Variants in CR2 observed in about 807,000 individuals in gnomAD.
The protein encoded by CR2 is complement receptor type 2.
A neutral mutation model predicts 123.0 loss-of-function variants in CR2; 96 were observed. The ratio of observed to expected loss-of-function variants is 0.78; its 90% CI spans 0.66 to 0.93. The LOEUF (loss-of-function observed/expected upper bound fraction) is 0.93. CR2 is among the 40% of genes least tolerant of loss of function. CR2 has a pLI of 0.00. For missense variants in CR2, 1,258 were observed against 1,361.0 expected, an observed-to-expected ratio of 0.92 and a Z score of 1.19; for synonymous variants, 484 against 469.5, an observed-to-expected ratio of 1.03 and a Z score of -0.40.
chr1:207,480,689 AG>A (rs1372034954), intron 18 of CR2, among the ~76,000 whole-genome samples: 1 of 152,152 alleles, frequency 6.6e-6, no homozygotes, highest in Admixed American at 6.6e-5. Flanking sequence ...ATGACTTGCC[AG>A]GAAGTTTGTT....
rs1273917757 is a variant in CR2 at position 207,465,034 on chromosome 1, G to A, written c.59-1492G>A. 3.3e-5 allele frequency among the ~76,000 whole-genome samples: 5 copies of A among 152,116 alleles called. No individual in the cohort carries two copies. The East Asian group carries it at 5.8e-4, about 18-fold the overall frequency. On this transcript the variant is annotated intron_variant, in intron 1 of 19. Coordinates refer to ENST00000367057, the MANE Select transcript of CR2 (RefSeq NM_001006658.3). The stretch of plus-strand genomic sequence containing the variant: ...CAACCTCCACCTCCTGGGTTCAAGC[G>A]ATTCTCCTGTCTCAGCCTCCCGAGT...
chr1:207,463,560 C>T (rs1658015896), intron 1 of CR2, among the ~76,000 whole-genome samples: 7 of 152,112 alleles, frequency 4.6e-5, no homozygotes, highest in South Asian at 2.1e-4. Flanking sequence ...AAATGATATT[C>T]TATTCTCTGC....
At chr1:207,469,329 AACTCCT>A in intron 5 of CR2, 97 bp downstream of exon 5, 1 of 952,970 alleles carries the variant, frequency 1.0e-6, no homozygotes, top group Non-Finnish European at 1.7e-6. Flanking sequence ...CTGAACACAG[AACTCCT>A]AGAGATCTTT....
intron 1 of CR2, among the ~76,000 whole-genome samples, chr1:207,459,643 G>A (rs1274623875): frequency 2.0e-5 from 3 of 152,104 alleles, no homozygotes; most frequent in Non-Finnish European, 4.4e-5. Flanking sequence ...TTTAAACATG[G>A]TTGGAAGGAT....
rs1196674669 is a variant in CR2, at chr1:207,476,391, C to T, written c.2874C>T (p.Thr958=). ...TCCTTCTTTGCACACATGAGGGAAC[C>T]TGGAGCCAACCTGCCCCTCATTGTA... ...EALLLCTHEG[T]WSQPAPHCKE... The change falls in exon 15 of 20, where the codon ACC becomes ACT. Residue 958 remains threonine (T), a synonymous_variant. Transcript: ENST00000367057. 6.2e-7 allele frequency: 1 copy of T among 1,613,750 alleles called. No individual in the cohort carries two copies.
In CR2 at chr1:207,479,974, C is replaced by T. The variant is rs1176394932; in HGVS notation, c.3113-4C>T. 1 of 1,610,662 alleles carries T rather than the reference C, an allele frequency of 6.2e-7. No homozygotes were observed. Among genetic ancestry groups the T allele is most frequent in the Admixed American group, 1.7e-5 (1 of 59,982 alleles). Reference sequence around the variant, plus strand: ...ATTTGATACTTGCTGGATTTTTCTTCTAGGTATTGCTGCAGGTTTGATACT... The same window carrying T: ...ATTTGATACTTGCTGGATTTTTCTTTTAGGTATTGCTGCAGGTTTGATACT... On this transcript the variant is annotated splice_polypyrimidine_tract_variant and splice_region_variant and intron_variant, in intron 17 of 19. Coordinates refer to ENST00000367057, the MANE Select transcript of CR2 (RefSeq NM_001006658.3).
In CR2 at chr1:207,466,866, A is replaced by G; in HGVS notation, c.399A>G (p.Gln133=). ...SMNGNKSVWC[Q]ANNMWGPTRL... ...ACGGAAACAAGTCTGTTTGGTGTCA[A>G]GCAAATAATATGTGGGGGCCGACAC... The change falls in exon 2 of 20, where the codon CAA becomes CAG. Residue 133 remains glutamine, a synonymous_variant. Transcript: ENST00000367057. 6.2e-7 allele frequency: 1 copy of G among 1,608,758 alleles called. No homozygotes were observed. The highest frequency in any genetic ancestry group is 1.1e-5 in the South Asian group (1 of 90,328).
At chr1:207,463,143 A>G (rs1191991254) in intron 1 of CR2, among the ~76,000 whole-genome samples, 1 of 152,200 alleles carries the variant, frequency 6.6e-6, no homozygotes, top group Non-Finnish European at 1.5e-5. Context: ...TAGATAAATC[A>G]TGTGTGAGTC....
intron 19 of CR2, 125 bp downstream of exon 19, chr1:207,485,697 C>T: frequency 3.0e-6 from 2 of 663,612 alleles, no homozygotes; most frequent in South Asian, 3.4e-5. Flanking sequence ...CTTCAGTAAT[C>T]ATGCATAGCA....
chr1:207,475,062 T>C lies in CR2; in HGVS notation c.2562T>C (p.His854=). Residue 854 remains histidine (H), a synonymous_variant, in exon 14 of 20, where the codon CAT becomes CAC. Transcript: ENST00000367057. ...GCTGCCCTAATCCAGAAGTCAAACA[T>C]GGGTACAAGCTCAATAAAACACATT... ...VTRCPNPEVK[H]GYKLNKTHSA... The C allele has an allele frequency of 6.2e-7, 1 of 1,613,636 alleles. No homozygotes were observed. Among genetic ancestry groups the C allele is most frequent in the Non-Finnish European group, 8.5e-7 (1 of 1,179,634 alleles).
chr1:207,482,837 T>C (rs1261344558), intron 18 of CR2, among the ~76,000 whole-genome samples: 1 of 152,088 alleles, frequency 6.6e-6, no homozygotes, highest in African/African-American at 2.4e-5. Context: ...GCCCAGAGGC[T>C]TGGCTTTCCA....
In CR2 at chr1:207,466,905, T is replaced by C. The variant is rs1303595004; in HGVS notation, c.438T>C (p.Cys146=). The C allele has an allele frequency of 1.4e-5, 22 of 1,587,132 alleles. No individual in the cohort carries two copies. The highest frequency in any genetic ancestry group is 1.1e-5 in the Non-Finnish European group (13 of 1,168,794). ...NMWGPTRLPT[C]VSVFPLECPA... is the part of the protein sequence containing the mutation. ...GGGGGCCGACACGACTACCAACCTGTGTAAGTGGTGAGTATGAAAAGAAAG... is the reference window on the plus strand; with the variant it reads ...GGGGGCCGACACGACTACCAACCTGCGTAAGTGGTGAGTATGAAAAGAAAG... The change falls in exon 2 of 20, where the codon TGT becomes TGC. Residue 146 remains cysteine (C), a synonymous_variant. Coordinates refer to ENST00000367057, the MANE Select transcript of CR2 (RefSeq NM_001006658.3).
At position 207,475,008 on chromosome 1, in the gene CR2, A is replaced by G; in HGVS notation, c.2508A>G (p.Pro836=). 6.2e-7 allele frequency: 1 copy of G among 1,614,128 alleles called. No individual in the cohort carries two copies. Among genetic ancestry groups the G allele is most frequent in the South Asian group, 1.1e-5 (1 of 91,086 alleles). Residue 836 remains proline (P), a synonymous_variant, in exon 14 of 20, where the codon CCA becomes CCG. Coordinates refer to ENST00000367057, the MANE Select transcript of CR2 (RefSeq NM_001006658.3). ...KGHGSWSGPS[P]QCLRSPPVTR... The stretch of plus-strand genomic sequence containing the variant: ...ATGGATCTTGGAGCGGGCCTTCCCC[A>G]CAGTGCTTACGATCTCCTCCTGTGA...
intron 12 of CR2, 31 bp downstream of exon 12, chr1:207,473,916 G>A (rs746339965): frequency 5.6e-6 from 9 of 1,596,100 alleles, no homozygotes; most frequent in South Asian, 4.4e-5. Flanking sequence ...TCTGAGAAAA[G>A]GTCTCAACCT....
intron 18 of CR2, among the ~76,000 whole-genome samples, chr1:207,483,536 T>C (rs947598200): frequency 2.5e-4 from 36 of 142,766 alleles, no homozygotes; most frequent in African/African-American, 8.9e-4. Flanking sequence ...GCAAATAAGA[T>C]TTGGACATAC....
At chr1:207,477,849 T>C (rs910044263) in intron 15 of CR2, 36 bp from the exon 16 acceptor site, 16 of 1,605,564 alleles carry the variant, frequency 1.0e-5, no homozygotes, top group Non-Finnish European at 1.3e-5. Context: ...AAGGCCAAAA[T>C]ATGACTGTGC....
Position 207,476,363 on chromosome 1 carries a change from C to T in CR2, c.2846C>T (p.Ala949Val). The change falls in exon 15 of 20, where the codon GCA (alanine) becomes GTA (valine). Residue 949 changes from alanine to valine, a missense_variant. Physicochemically the swap from Ala to Val is moderately conservative, Grantham distance 64 (BLOSUM62 0). Coordinates refer to ENST00000367057, the MANE Select transcript of CR2 (RefSeq NM_001006658.3). Reference protein sequence around the residue: ...CDQGYLLVGEALLLCTHEGTW... With the variant: ...CDQGYLLVGEVLLLCTHEGTW... ...CAAGGCTACCTGCTGGTGGGAGAGG[C>T]ACTCCTTCTTTGCACACATGAGGGA... 1 of 1,613,982 alleles carries T rather than the reference C, an allele frequency of 6.2e-7. No homozygotes were observed. The highest frequency in any genetic ancestry group is 8.5e-7 in the Non-Finnish European group (1 of 1,179,910).
chr1:207,465,408 C>T (rs1293397967), intron 1 of CR2, among the ~76,000 whole-genome samples: 1 of 149,992 alleles, frequency 6.7e-6, no homozygotes, highest in East Asian at 1.9e-4. Flanking sequence ...TTTTTTCATA[C>T]ATATATATAT....
chr1:207,471,230 G>A, intron 8 of CR2, 143 bp downstream of exon 8: 1 of 946,558 alleles, frequency 1.1e-6, no homozygotes, highest in Non-Finnish European at 1.7e-6. Flanking sequence ...CATGGTCATG[G>A]AAGTGTCTAT....
Sources: allele counts gnomAD v4.1 joint callset (sites outside exome capture counted in the v4.1 genomes callset), GRCh38; gene constraint gnomAD v4.1.1; transcripts MANE v1.5; gene names NCBI Gene and HGNC (gene_info 2026-07-23, HGNC 2026-07-21).